LGALS13: variants seen among roughly 807,000 people sequenced by gnomAD.
The protein encoded by LGALS13 is galactoside-binding soluble lectin 13.
Under a neutral mutation model 13.2 loss-of-function variants are expected in LGALS13, and 11 were observed. The ratio of observed to expected loss-of-function variants is 0.83; its 90% CI spans 0.52 to 1.38. LGALS13 has a LOEUF of 1.38. LGALS13 is among the 40% of genes most tolerant of loss of function. The pLI, the probability that LGALS13 is intolerant of heterozygous loss-of-function variation, is 0.00. For synonymous variants in LGALS13, 71 were observed against 63.7 expected, an observed-to-expected ratio of 1.11 and a Z score of -0.54; for missense variants, 183 against 174.3, an observed-to-expected ratio of 1.05 and a Z score of -0.28.
intron 3 of LGALS13, 73 bp downstream of exon 3, chr19:39,605,461 G>GTA: frequency 8.1e-7 from 1 of 1,235,448 alleles, no homozygotes; most frequent in Non-Finnish European, 1.2e-6. Context: ...TCATTGATCT[G>GTA]GCCTCAGTAG....
At position 39,605,328 on chromosome 19, in the gene LGALS13, G is replaced by A; in HGVS notation, c.243G>A (p.Val81=). 3 of 1,614,216 alleles carry A rather than the reference G, an allele frequency of 1.9e-6. No individual in the cohort carries two copies. Among genetic ancestry groups the A allele is most frequent in the Non-Finnish European group, 2.5e-6 (3 of 1,180,040 alleles). ...IWMLEETTDY[V]PFEDGKQFEL... is the part of the protein sequence containing the mutation. ...TGTTGGAGGAGACAACAGACTACGT[G>A]CCCTTTGAGGATGGCAAACAATTTG... The change falls in exon 3 of 4, where the codon GTG becomes GTA. Residue 81 remains valine, a synonymous_variant. Coordinates refer to ENST00000221797, the MANE Select transcript of LGALS13 (RefSeq NM_013268.3).
chr19:39,605,421 T>A, intron 3 of LGALS13, 33 bp downstream of exon 3: 1 of 1,578,526 alleles, frequency 6.3e-7, no homozygotes, highest in Non-Finnish European at 8.7e-7. Context: ...GCACCCAGGC[T>A]CTGTGGGCTC....
chr19:39,605,583 T>A (rs1972675959), intron 3 of LGALS13, among the ~76,000 whole-genome samples, 195 bp downstream of exon 3: 1 of 152,250 alleles, frequency 6.6e-6, no homozygotes, highest in South Asian at 2.1e-4. Context: ...AATGTCAAGG[T>A]CAGCTCACCT....
At chr19:39,603,882 G>A in intron 1 of LGALS13, 3 of 928,648 alleles carry the variant, frequency 3.2e-6, no homozygotes, top group Non-Finnish European at 3.9e-6. Context: ...TCATCTACTT[G>A]TAGTCATCAT....
chr19:39,604,593 C>T lies in LGALS13; in HGVS notation c.16-9C>T, dbSNP rs1356026215. 6.2e-7 allele frequency: 1 copy of T among 1,614,000 alleles called. No homozygotes were observed. Among genetic ancestry groups the T allele is most frequent in the Non-Finnish European group, 8.5e-7 (1 of 1,180,014 alleles). On this transcript the variant is annotated splice_polypyrimidine_tract_variant and intron_variant, in intron 1 of 3. Coordinates refer to ENST00000221797, the MANE Select transcript of LGALS13 (RefSeq NM_013268.3). Reference sequence around the variant, plus strand: ...CTGCACCTCTCACTTACTCTCAATACTCTGGCAGGTGCCATACAAACTGCC... The same window carrying T: ...CTGCACCTCTCACTTACTCTCAATATTCTGGCAGGTGCCATACAAACTGCC...
At position 39,607,355 on chromosome 19, in the gene LGALS13, T is replaced by C; in HGVS notation, c.*16T>C. On this transcript the variant is annotated 3_prime_UTR_variant, in exon 4 of 4. Coordinates refer to ENST00000221797, the MANE Select transcript of LGALS13 (RefSeq NM_013268.3). ...CTGCAATTGAGGGAGATGATCACAC[T>C]CCTCATTGTTGAGGAATCCCTCTTT... The C allele has an allele frequency of 1.3e-6, 2 of 1,510,154 alleles. No homozygotes were observed. The highest frequency in any genetic ancestry group is 1.7e-4 in the Middle Eastern group (1 of 5,884). The allele number at this position is 1,510,154 out of a possible 1,614,324, so 93.5% of individuals were successfully genotyped here.
rs549155921 is a variant in LGALS13, at chr19:39,604,033, C to T, written c.16-569C>T. On this transcript the variant is annotated intron_variant, in intron 1 of 3. Coordinates refer to ENST00000221797, the MANE Select transcript of LGALS13 (RefSeq NM_013268.3). The stretch of plus-strand genomic sequence containing the variant: ...TGATGATAGTGATGCATGTGCATCC[C>T]ACACACAGGGGTTTCCTGTTCTTTC... 9.4e-6 allele frequency: 9 copies of T among 955,260 alleles called. No homozygotes were observed. The African/African-American group carries it at 1.2e-4, about 13-fold the overall frequency. The allele number at this position is 955,260 out of a possible 1,614,324, so 59.2% of individuals were successfully genotyped here.
At chr19:39,604,474 A>C (rs1282893599) in intron 1 of LGALS13, 128 bp from the exon 2 acceptor site, 2 of 1,007,762 alleles carry the variant, frequency 2.0e-6, no homozygotes, top group East Asian at 2.4e-5. Context: ...TGAATGCGGT[A>C]GGGTTAAAGA....
rs752515779 is a variant in LGALS13 at position 39,602,545 on chromosome 19, A to G, written c.-24A>G. On this transcript the variant is annotated 5_prime_UTR_variant, in exon 1 of 4. Coordinates refer to ENST00000221797, the MANE Select transcript of LGALS13 (RefSeq NM_013268.3). ...ACTCAGAAGACTGGACTCAATTCTG[A>G]AGGTCGCCAAGAAGGAGAGAACAAT... The G allele has an allele frequency of 1.2e-6, 2 of 1,613,664 alleles. No individual in the cohort carries two copies. The highest frequency in any genetic ancestry group is 2.2e-5 in the South Asian group (2 of 91,068).
chr19:39,604,682 A>T lies in LGALS13; in HGVS notation c.92+4A>T. On this transcript the variant is annotated splice_donor_region_variant and intron_variant, in intron 2 of 3. Coordinates refer to ENST00000221797, the MANE Select transcript of LGALS13 (RefSeq NM_013268.3). Reference sequence around the variant, plus strand: ...GGACACCAATCCACTCTTTTATGTGAGTACTCCATGGTCCAATGGAGGGGT... The same window carrying T: ...GGACACCAATCCACTCTTTTATGTGTGTACTCCATGGTCCAATGGAGGGGT... 6.2e-7 allele frequency: 1 copy of T among 1,614,136 alleles called. No individual in the cohort carries two copies. The highest frequency in any genetic ancestry group is 1.6e-4 in the Middle Eastern group (1 of 6,062).
At chr19:39,605,414 C>T in intron 3 of LGALS13, 26 bp downstream of exon 3, 1 of 1,599,668 alleles carries the variant, frequency 6.3e-7, no homozygotes, top group Non-Finnish European at 8.6e-7. Flanking sequence ...GCTCCCAGCA[C>T]CCAGGCTCTG....
chr19:39,604,485 G>A (rs1972649726), intron 1 of LGALS13, 117 bp from the exon 2 acceptor site: 1 of 1,125,662 alleles, frequency 8.9e-7, no homozygotes, highest in African/African-American at 1.5e-5. Flanking sequence ...GGGTTAAAGA[G>A]GAGAGTCCAC....
intron 1 of LGALS13, chr19:39,603,784 T>C: frequency 1.7e-5 from 4 of 230,516 alleles, no homozygotes; most frequent in Non-Finnish European, 2.9e-5. Flanking sequence ...CCCAGGAGTC[T>C]GAGGTTTCAG....
At chr19:39,604,573 C>T in intron 1 of LGALS13, 29 bp from the exon 2 acceptor site, 3 of 1,613,050 alleles carry the variant, frequency 1.9e-6, no homozygotes, top group Non-Finnish European at 2.5e-6. Flanking sequence ...TGACCCTGCA[C>T]CTCTCACTTA....
chr19:39,606,720 G>A (rs1046180447), intron 3 of LGALS13, among the ~76,000 whole-genome samples: 4 of 152,208 alleles, frequency 2.6e-5, no homozygotes, highest in Non-Finnish European at 5.9e-5. Context: ...CACAAGAACA[G>A]TTCTCCTTTC....
At chr19:39,602,845 A>G (rs999366161) in intron 1 of LGALS13, among the ~76,000 whole-genome samples, 3 of 152,146 alleles carry the variant, frequency 2.0e-5, no homozygotes, top group Non-Finnish European at 4.4e-5. Flanking sequence ...ATGTGACTTT[A>G]AGTGGGAGGT....
chr19:39,605,444 GCAGCTCTCA>G (rs1972672635), intron 3 of LGALS13, 56 bp downstream of exon 3: 3 of 1,443,762 alleles, frequency 2.1e-6, no homozygotes, highest in African/African-American at 1.4e-5. Flanking sequence ...AAAACAGGAG[GCAGCTCTCA>G]TTGATCTGGC....
chr19:39,603,890 C>G (rs1410442038), intron 1 of LGALS13: 1 of 958,410 alleles, frequency 1.0e-6, no homozygotes, highest in East Asian at 1.2e-4. Flanking sequence ...TTGTAGTCAT[C>G]ATAGAAATCA....
At position 39,607,227 on chromosome 19, in the gene LGALS13, A is replaced by T; in HGVS notation, c.308A>T (p.Lys103Met). The T allele has an allele frequency of 6.2e-7, 1 of 1,613,022 alleles. No homozygotes were observed. Residue 103 changes from lysine to methionine, a missense_variant, in exon 4 of 4, where the codon AAG becomes ATG. Coordinates refer to ENST00000221797, the MANE Select transcript of LGALS13 (RefSeq NM_013268.3). ...GATGCATTTTTCCTCTTGTAGATAA[A>T]GGTCAATGGCATACGCATTTACGGC... ...IYVHYNEYEI[K>M]VNGIRIYGFV...
Sources: gnomAD v4.1 joint callset for allele counts (sites outside exome capture counted in the v4.1 genomes callset) on GRCh38, gnomAD v4.1.1 for gene constraint, MANE v1.5 for transcripts, NCBI Gene and HGNC (gene_info 2026-07-23, HGNC 2026-07-21) for gene names.